Variants in C2orf15 observed in about 807,000 individuals in gnomAD.
C2orf15 encodes chromosome 2 open reading frame 15.
In C2orf15, 3 loss-of-function variants were observed where a neutral mutation model predicts 4.4. The observed-to-expected ratio is 0.67, with a 90% CI of 0.31 to 1.74. The LOEUF is 1.74. Among genes scored for constraint, C2orf15 ranks in the 40% most tolerant of loss-of-function variants. The pLI is 0.09. For missense variants in C2orf15, 90 were observed against 103.3 expected (o/e 0.87, Z 0.56); for synonymous variants, 37 against 36.8 (o/e 1.00, Z -0.02).
chr2:99,147,640 G>A (rs1574767299), intron 3 of C2orf15, 147 bp downstream of exon 3: 1 of 703,196 alleles, frequency 1.4e-6, no homozygotes. Context: ...TTAGAGTTTT[G>A]TGTTTTTTAA....
intron 3 of C2orf15, chr2:99,148,399 A>C (rs2093653821): frequency 6.6e-6 from 1 of 152,206 alleles, no homozygotes; most frequent in Admixed American, 6.5e-5. Flanking sequence ...GATATTAAAA[A>C]ATTTAGCTAA....
intron 3 of C2orf15, among the ~76,000 whole-genome samples, chr2:99,148,906 A>G (rs1488204791): frequency 6.6e-6 from 1 of 152,234 alleles, no homozygotes; most frequent in Non-Finnish European, 1.5e-5. Flanking sequence ...ACTCAATGTC[A>G]TTGAATTGTA....
intron 3 of C2orf15, among the ~76,000 whole-genome samples, chr2:99,147,938 T>C (rs1354771373): frequency 1.3e-5 from 2 of 152,242 alleles, no homozygotes; most frequent in Non-Finnish European, 2.9e-5. Flanking sequence ...TCATGGCATT[T>C]ATCACATTGA....
rs568300449 is a variant in C2orf15, at chr2:99,147,446, C to T, written c.-124C>T. 1.9e-6 allele frequency: 3 copies of T among 1,613,610 alleles called. No individual in the cohort carries two copies. In the African/African-American group the frequency reaches 4.0e-5, roughly 22 times the overall value. ...CCTAAATGCCAGTCCAAAGAGGCCC[C>T]CAATAGACTTGTTCACCCTTCATGT... On this transcript the variant is annotated 5_prime_UTR_variant, in exon 3 of 4. Coordinates refer to ENST00000650052, the MANE Select transcript of C2orf15 (RefSeq NM_144706.4).
chr2:99,146,874 A>T (rs1347570258), intron 2 of C2orf15, among the ~76,000 whole-genome samples: 1 of 152,020 alleles, frequency 6.6e-6, no homozygotes, highest in African/African-American at 2.4e-5. Flanking sequence ...TGATCCGCCC[A>T]CCTCAGCCTC....
At position 99,150,864 on chromosome 2, in the gene C2orf15, A is replaced by T. The variant is rs1305548089; in HGVS notation, c.*30A>T. The T allele has an allele frequency of 6.8e-7, 1 of 1,466,396 alleles. No individual in the cohort carries two copies. The highest frequency in any genetic ancestry group is 1.4e-5 in the African/African-American group (1 of 70,576). The allele number at this position is 1,466,396 out of a possible 1,614,324, so 90.8% of individuals were successfully genotyped here. A position where few individuals can be genotyped will look rare whatever the true frequency, so the allele number is the denominator to read the frequency against. ...ATTTGTACGTATTACCAAAGAAACC[A>T]AAAACTGCCTTTGACTAAGGGGGGT... On this transcript the variant is annotated 3_prime_UTR_variant, in exon 4 of 4. Transcript: ENST00000650052.
At position 99,150,637 on chromosome 2, in the gene C2orf15, C is replaced by T. The variant is rs767920215; in HGVS notation, c.79C>T (p.Arg27Ter). The T allele has an allele frequency of 8.7e-6, 14 of 1,613,762 alleles. No homozygotes were observed. Among genetic ancestry groups the T allele is most frequent in the African/African-American group, 4.0e-5 (3 of 74,852 alleles). ...TTCAAAAGTGGATGATCACTTAATA[C>T]GAGGGACTGAAAAAAGCAGGTTGGA... ...MDSKVDDHLI[R>*]GTEKSRLEPA... The change falls in exon 4 of 4, where the codon CGA becomes TGA. Residue 27 changes from arginine (R) to a stop codon, truncating the protein, a stop_gained. Coordinates refer to ENST00000650052, the MANE Select transcript of C2orf15 (RefSeq NM_144706.4). LOFTEE classifies it high-confidence loss of function.
intron 3 of C2orf15, among the ~76,000 whole-genome samples, 197 bp downstream of exon 3, chr2:99,147,690 C>T (rs2093646635): frequency 1.3e-5 from 2 of 151,958 alleles, no homozygotes; most frequent in South Asian, 4.1e-4. Context: ...AGTTTTAAAC[C>T]TACAGAAATG....
intron 2 of C2orf15, among the ~76,000 whole-genome samples, chr2:99,144,688 G>C (rs148107834): frequency 7.3e-6 from 1 of 137,048 alleles, no homozygotes; most frequent in African/African-American, 2.6e-5. Flanking sequence ...GAAAGCATGA[G>C]GATAAGTCTG....
intron 2 of C2orf15, among the ~76,000 whole-genome samples, chr2:99,145,921 C>T (rs2093627292): frequency 6.6e-6 from 1 of 151,988 alleles, no homozygotes; most frequent in African/African-American, 2.4e-5. Context: ...TGCTTGAGTA[C>T]AGGCATTCGA....
At chr2:99,147,568 T>C in intron 3 of C2orf15, 75 bp downstream of exon 3, 1 of 1,232,372 alleles carries the variant, frequency 8.1e-7, no homozygotes, top group Non-Finnish European at 1.2e-6. Flanking sequence ...TGAAGTTTAA[T>C]GTGCAAATTG....
At chr2:99,145,377 G>T in intron 2 of C2orf15, among the ~76,000 whole-genome samples, 1 of 152,000 alleles carries the variant, frequency 6.6e-6, no homozygotes, top group South Asian at 2.1e-4. Flanking sequence ...GTTCAACATG[G>T]CAAAACCCTG....
At chr2:99,148,879 C>T (rs1350163533) in intron 3 of C2orf15, among the ~76,000 whole-genome samples, 2 of 151,650 alleles carry the variant, frequency 1.3e-5, no homozygotes, top group African/African-American at 4.9e-5. Context: ...ATGATGTTTG[C>T]ACAAAAATGT....
chr2:99,144,624 G>C (rs1039611690), intron 2 of C2orf15, among the ~76,000 whole-genome samples: 1 of 83,642 alleles, frequency 1.2e-5, no homozygotes, highest in African/African-American at 3.8e-5. Context: ...CCTCCAGCCT[G>C]GGGGACAAGA....
At chr2:99,146,477 A>G (rs2093633268) in intron 2 of C2orf15, among the ~76,000 whole-genome samples, 1 of 90,274 alleles carries the variant, frequency 1.1e-5, no homozygotes, top group African/African-American at 4.7e-5. Flanking sequence ...ATTCTCAATT[A>G]TGAGTAATCA....
chr2:99,144,826 G>C (rs2093615965), intron 2 of C2orf15, among the ~76,000 whole-genome samples: 1 of 152,110 alleles, frequency 6.6e-6, no homozygotes, highest in Non-Finnish European at 1.5e-5. Flanking sequence ...TGGGGGAACT[G>C]TAAGTGCAAA....
At chr2:99,144,212 G>A (rs973411259) in intron 2 of C2orf15, among the ~76,000 whole-genome samples, 21 of 151,728 alleles carry the variant, frequency 1.4e-4, no homozygotes, top group African/African-American at 4.8e-5. Context: ...TAGTAGAGAC[G>A]GGGTTTCACT....
rs1574740944 is a variant in C2orf15 at position 99,141,762 on chromosome 2, C to T, written c.-461C>T. 6.5e-6 allele frequency: 1 copy of T among 152,928 alleles called. No individual in the cohort carries two copies. The highest frequency in any genetic ancestry group is 1.9e-4 in the East Asian group (1 of 5,174). 9.5% of individuals were successfully genotyped at this position (152,928 alleles called of 1,614,324 possible). Reference sequence around the variant, plus strand: ...AACACCTGCTGCTTCGCGGCGGTGGCTTTGTGCCACTTTTCCCAGGGCTTG... The same window carrying T: ...AACACCTGCTGCTTCGCGGCGGTGGTTTTGTGCCACTTTTCCCAGGGCTTG... On this transcript the variant is annotated 5_prime_UTR_variant, in exon 1 of 4. Coordinates refer to ENST00000650052, the MANE Select transcript of C2orf15 (RefSeq NM_144706.4).
chr2:99,144,362 G>A (rs916501622), intron 2 of C2orf15, among the ~76,000 whole-genome samples: 1 of 151,700 alleles, frequency 6.6e-6, no homozygotes, highest in African/African-American at 2.4e-5. Context: ...TCCTTATGCC[G>A]AGGCCTGAAA....
Sources: allele counts gnomAD v4.1 joint callset (sites outside exome capture counted in the v4.1 genomes callset), GRCh38; gene constraint gnomAD v4.1.1; transcripts MANE v1.5; gene names NCBI Gene and HGNC (gene_info 2026-07-23, HGNC 2026-07-21).